SLF1: variants seen among roughly 807,000 people sequenced by gnomAD.
SLF1 encodes the protein SMC5/6 complex localization factor 1, also known as SMC5-SMC6 complex localization factor protein 1.
A neutral mutation model predicts 123.0 loss-of-function variants in SLF1; 105 were observed. The ratio of observed to expected loss-of-function variants is 0.85; its 90% CI spans 0.73 to 1.00. The LOEUF is 1.00. SLF1 is among the 50% of genes least tolerant of loss of function. The probability of loss-of-function intolerance (pLI) is 0.00; values close to 1 mark genes in which losing one functional copy is unlikely to be tolerated. For synonymous variants in SLF1, 434 were observed against 406.6 expected (o/e 1.07, Z -0.81); for missense variants, 1,239 against 1,223.0 (o/e 1.01, Z -0.20).
rs1044566024 is a variant in SLF1 at position 94,688,679 on chromosome 5, G to A, written c.2285+10G>A. 1 of 1,613,346 alleles carries A rather than the reference G, an allele frequency of 6.2e-7. No homozygotes were observed. Among genetic ancestry groups the A allele is most frequent in the East Asian group, 2.2e-5 (1 of 44,858 alleles). On this transcript the variant is annotated intron_variant, in intron 17 of 20. Transcript: ENST00000265140. ...GGCTGCCAGAGTTACTGTAAGTGAT[G>A]CTGATATCCCAGCTGTGCTTTGTTT...
rs12110297 is a variant in SLF1 at position 94,691,537 on chromosome 5, G to T, written c.2420-27G>T. 4.3e-4 allele frequency: 672 copies of T among 1,575,148 alleles called. 5 individuals are homozygous for T. In the African/African-American group the frequency reaches 8.1e-3, roughly 19 times the overall value. ...TTTAGTTGATATCTTGTCTTCTCTG[G>T]AATAATCTATTAATTTTTTATGGCA... On this transcript the variant is annotated intron_variant, in intron 18 of 20. Transcript: ENST00000265140.
intron 16 of SLF1, among the ~76,000 whole-genome samples, chr5:94,687,115 T>C (rs1435032392): frequency 1.3e-5 from 2 of 152,248 alleles, no homozygotes; most frequent in African/African-American, 4.8e-5. Context: ...GTAGGCAGAA[T>C]ATATTAATTC....
intron 1 of SLF1, among the ~76,000 whole-genome samples, chr5:94,622,023 T>C (rs1791842847): frequency 6.6e-6 from 1 of 152,196 alleles, no homozygotes; most frequent in Admixed American, 6.5e-5. Context: ...AAGGGCCTAA[T>C]TTGGCTCCTA....
Position 94,663,840 on chromosome 5 carries a change from T to C in SLF1, c.1300T>C (p.Ser434Pro). The change falls in exon 11 of 21, where the codon TCC (serine) becomes CCC (proline). Residue 434 changes from serine (S) to proline (P), a missense_variant. Transcript: ENST00000265140. ...TTTTAAAGAAGCAATTGAGGAACTT[T>C]CCACTTTGCAGGCACATTATATCCC... ...HFFKEAIEELSTLQAHYIPPV... is the reference protein window; with the variant it reads ...HFFKEAIEELPTLQAHYIPPV... The C allele has an allele frequency of 6.4e-7, 1 of 1,551,014 alleles. No individual in the cohort carries two copies. The highest frequency in any genetic ancestry group is 8.7e-7 in the Non-Finnish European group (1 of 1,146,764).
intron 5 of SLF1, among the ~76,000 whole-genome samples, chr5:94,647,378 C>T (rs1056694626): frequency 5.3e-5 from 8 of 152,138 alleles, no homozygotes; most frequent in Non-Finnish European, 7.4e-5. Flanking sequence ...GTGTGACAGA[C>T]GCTTTGGCTG....
In SLF1 at chr5:94,688,633, C is replaced by G; in HGVS notation, c.2249C>G (p.Thr750Ser). 1 of 1,614,072 alleles carries G rather than the reference C, an allele frequency of 6.2e-7. No individual in the cohort carries two copies. The highest frequency in any genetic ancestry group is 8.5e-7 in the Non-Finnish European group (1 of 1,179,972). ...SQRTLLMLNG[T>S]KQKQVEGLPE... Reference sequence around the variant, plus strand: ...AGAACCTTACTAATGCTGAATGGTACTAAACAAAAACAAGTCGAAGGGCTG... The same window carrying G: ...AGAACCTTACTAATGCTGAATGGTAGTAAACAAAAACAAGTCGAAGGGCTG... The change falls in exon 17 of 21, where the codon ACT (threonine) becomes AGT (serine). Residue 750 changes from threonine (T) to serine (S), a missense_variant. Thr to Ser is a moderately conservative substitution (Grantham distance 58). Coordinates refer to ENST00000265140, the MANE Select transcript of SLF1 (RefSeq NM_032290.4).
intron 15 of SLF1, among the ~76,000 whole-genome samples, chr5:94,684,697 C>CAAAA (rs397882900): frequency 1.5e-5 from 1 of 68,836 alleles, no homozygotes; most frequent in Non-Finnish European, 2.7e-5. Context: ...GACTCTGTCT[C>CAAAA]AAAAAAAAAA....
chr5:94,680,805 T>C (rs771108094), intron 15 of SLF1, among the ~76,000 whole-genome samples: 2 of 152,254 alleles, frequency 1.3e-5, no homozygotes, highest in Non-Finnish European at 2.9e-5. Flanking sequence ...GACATTGTTA[T>C]CCAGTGTTAT....
intron 20 of SLF1, 75 bp downstream of exon 20, chr5:94,692,331 T>C: frequency 7.2e-7 from 1 of 1,386,680 alleles, no homozygotes; most frequent in Non-Finnish European, 9.8e-7. Flanking sequence ...GTAGATAGCA[T>C]TTTATGTTTA....
intron 11 of SLF1, among the ~76,000 whole-genome samples, chr5:94,665,072 ACATAT>A (rs2152487410): frequency 6.6e-6 from 1 of 152,350 alleles, no homozygotes; most frequent in East Asian, 1.9e-4. Flanking sequence ...ATACAGTCAT[ACATAT>A]CATCCTCTTT....
chr5:94,677,281 T>TA (rs1292803675), intron 14 of SLF1, among the ~76,000 whole-genome samples: 4 of 152,172 alleles, frequency 2.6e-5, no homozygotes, highest in Non-Finnish European at 5.9e-5. Flanking sequence ...TTCGAAACAT[T>TA]AAAACCAGCT....
chr5:94,657,051 AT>A (rs1293107538), intron 9 of SLF1, among the ~76,000 whole-genome samples: 1 of 149,694 alleles, frequency 6.7e-6, no homozygotes, highest in African/African-American at 2.4e-5. Context: ...ATTAATCTAA[AT>A]AATAATAGAT....
intron 9 of SLF1, among the ~76,000 whole-genome samples, chr5:94,661,778 C>G (rs1749152134): frequency 6.6e-6 from 1 of 152,190 alleles, no homozygotes; most frequent in Non-Finnish European, 1.5e-5. Context: ...CTCAGGTGAT[C>G]TGTCCAGCTT....
rs1274858023 is a variant in SLF1, at chr5:94,672,316, T to C, written c.1827+1308T>C. Among the ~76,000 whole-genome samples, 3 of 152,178 alleles carry C rather than the reference T, an allele frequency of 2.0e-5. No homozygotes were observed. In the South Asian group the frequency reaches 6.2e-4, roughly 31 times the overall value. On this transcript the variant is annotated intron_variant, in intron 14 of 20. Coordinates refer to ENST00000265140, the MANE Select transcript of SLF1 (RefSeq NM_032290.4). ...TATTCTGTCTTAACAAAAATGCTTA[T>C]GTAGTTTCTCGTCAAATACTTCCTC...
In SLF1 at chr5:94,676,444, T is replaced by C. The variant is rs968654791; in HGVS notation, c.1828-2364T>C. Among the ~76,000 whole-genome samples the C allele has an allele frequency of 2.0e-5, 3 of 152,298 alleles. No individual in the cohort carries two copies. In the East Asian group the frequency reaches 5.8e-4, roughly 29 times the overall value. On this transcript the variant is annotated intron_variant, in intron 14 of 20. Transcript: ENST00000265140. ...CCTGCTGCTGGTTTCCCATGCCATA[T>C]AGCCGCAACTGCAAGGCTTAAACTC... is the stretch of plus-strand genomic sequence containing the variant.
intron 16 of SLF1, among the ~76,000 whole-genome samples, 172 bp from the exon 17 acceptor site, chr5:94,688,334 G>C (rs1470808006): frequency 6.6e-6 from 1 of 152,086 alleles, no homozygotes; most frequent in Non-Finnish European, 1.5e-5. Context: ...TATTGACTTT[G>C]ACACAAAACT....
intron 6 of SLF1, among the ~76,000 whole-genome samples, chr5:94,651,497 G>A (rs899112100): frequency 2.6e-5 from 4 of 152,092 alleles, no homozygotes; most frequent in African/African-American, 7.2e-5. Flanking sequence ...ATATGTTAAC[G>A]TACTATAAAG....
At chr5:94,637,241 A>G (rs1479576987) in intron 4 of SLF1, among the ~76,000 whole-genome samples, 2 of 152,080 alleles carry the variant, frequency 1.3e-5, no homozygotes, top group African/African-American at 2.4e-5. Flanking sequence ...GATCACTGGG[A>G]GATCACTGCT....
Position 94,651,845 on chromosome 5 carries a change from G to T in SLF1, c.882G>T (p.Gln294His). Reference protein sequence around the residue: ...NTFGSHTYENQKEIKKKDEDI... With the variant: ...NTFGSHTYENHKEIKKKDEDI... The stretch of plus-strand genomic sequence containing the variant: ...TTGGAAGCCATACATATGAAAATCA[G>T]GTACAACTTTCCAAATTAAAAATAA... The change falls in exon 7 of 21, where the codon CAG becomes CAT. Residue 294 changes from glutamine to histidine, a missense_variant and splice_region_variant. Coordinates refer to ENST00000265140, the MANE Select transcript of SLF1 (RefSeq NM_032290.4). 1 of 1,359,244 alleles carries T rather than the reference G, an allele frequency of 7.4e-7. No homozygotes were observed. Among genetic ancestry groups the T allele is most frequent in the Non-Finnish European group, 9.8e-7 (1 of 1,025,578 alleles). 84.2% of individuals were successfully genotyped at this position (1,359,244 alleles called of 1,614,324 possible).
Sources: gnomAD v4.1 joint callset for allele counts (sites outside exome capture counted in the v4.1 genomes callset) on GRCh38, gnomAD v4.1.1 for gene constraint, MANE v1.5 for transcripts, NCBI Gene and HGNC (gene_info 2026-07-23, HGNC 2026-07-21) for gene names.